HHAT: variants seen among roughly 807,000 people sequenced by gnomAD.
The protein encoded by HHAT is hedgehog acyltransferase.
HHAT carries 47 observed loss-of-function variants against 70.8 expected under a neutral mutation model. The observed-to-expected ratio is 0.66, with a 90% CI of 0.53 to 0.85. HHAT has a LOEUF of 0.85. Among genes scored for constraint, HHAT ranks in the 40% least tolerant of loss-of-function variants. HHAT has a pLI of 0.00. For missense variants in HHAT, 609 were observed against 604.8 expected (o/e 1.01, Z -0.07); for synonymous variants, 228 against 247.6 (o/e 0.92, Z 0.74).
chr1:210,548,346 C>T (rs2095501520), intron 9 of HHAT, among the ~76,000 whole-genome samples: 1 of 152,228 alleles, frequency 6.6e-6, no homozygotes, highest in South Asian at 2.1e-4. Context: ...CTAACTAAAA[C>T]AGTAGCTGCT....
At chr1:210,400,177 T>A (rs1008990769) in intron 4 of HHAT, among the ~76,000 whole-genome samples, 1 of 152,140 alleles carries the variant, frequency 6.6e-6, no homozygotes, top group Non-Finnish European at 1.5e-5. Context: ...CTTATTGTTG[T>A]GTGACCCAGG....
At chr1:210,344,679 C>G (rs2086351894) in intron 1 of HHAT, among the ~76,000 whole-genome samples, 1 of 152,170 alleles carries the variant, frequency 6.6e-6, no homozygotes, top group Admixed American at 6.5e-5. Context: ...TTTTGGGGAG[C>G]CTTTGGGGCC....
intron 1 of HHAT, chr1:210,329,481 A>C (rs139695529): frequency 9.8e-7 from 1 of 1,023,910 alleles, no homozygotes; most frequent in Non-Finnish European, 1.2e-6. Context: ...CAGGGACTCT[A>C]AAGTTAGAGA....
chr1:210,361,592 A>G (rs1296224352), intron 2 of HHAT, among the ~76,000 whole-genome samples: 3 of 151,698 alleles, frequency 2.0e-5, no homozygotes, highest in Non-Finnish European at 4.4e-5. Flanking sequence ...CTCTGAAACC[A>G]GCATTATTTC....
At chr1:210,474,758 T>G (rs11119510) in intron 8 of HHAT, among the ~76,000 whole-genome samples, 26,035 of 151,920 alleles carry the variant, frequency 0.17, 2,430 homozygotes, top group East Asian at 0.43. Context: ...AGGAGGGAAA[T>G]GTGGTGAACT....
intron 1 of HHAT, among the ~76,000 whole-genome samples, chr1:210,337,843 A>AG (rs568703751): frequency 1.3e-5 from 1 of 74,442 alleles, no homozygotes; most frequent in Non-Finnish European, 2.3e-5. Context: ...TGGACCCCAC[A>AG]GAGGGGATCT....
At chr1:210,622,380 C>T (rs539736466) in intron 10 of HHAT, among the ~76,000 whole-genome samples, 2 of 152,308 alleles carry the variant, frequency 1.3e-5, no homozygotes, top group South Asian at 2.1e-4. Context: ...TGTGCTGTAC[C>T]TGGTTCTCAT....
intron 10 of HHAT, among the ~76,000 whole-genome samples, chr1:210,623,274 A>G (rs974958392): frequency 2.6e-5 from 4 of 152,050 alleles, no homozygotes; most frequent in African/African-American, 7.2e-5. Flanking sequence ...GTATATCACT[A>G]TGTTGCCTAG....
rs1199730740 is a variant in HHAT, at chr1:210,399,939, C to A, written c.274-529C>A. On this transcript the variant is annotated intron_variant, in intron 4 of 11. Coordinates refer to ENST00000261458, the MANE Select transcript of HHAT (RefSeq NM_018194.6). Reference sequence around the variant, plus strand: ...TTTGACTAATCAATATGCAAAAAATCAAAAATGCAAAAAAACCCTACATAT... The same window carrying A: ...TTTGACTAATCAATATGCAAAAAATAAAAAATGCAAAAAAACCCTACATAT... 3.9e-5 allele frequency among the ~76,000 whole-genome samples: 6 copies of A among 152,054 alleles called. No homozygotes were observed. In the South Asian group the frequency reaches 1.2e-3, roughly 32 times the overall value.
chr1:210,650,385 A>G (rs1301987818), intron 11 of HHAT, among the ~76,000 whole-genome samples: 3 of 152,174 alleles, frequency 2.0e-5, no homozygotes, highest in Non-Finnish European at 4.4e-5. Context: ...AACTGGCCCC[A>G]ACTGTGGAGG....
intron 9 of HHAT, among the ~76,000 whole-genome samples, chr1:210,540,957 C>T (rs1357608531): frequency 6.6e-6 from 1 of 152,086 alleles, no homozygotes; most frequent in African/African-American, 2.4e-5. Flanking sequence ...TATCCTGCCT[C>T]AGCCTCCTGA....
intron 9 of HHAT, among the ~76,000 whole-genome samples, chr1:210,574,733 A>T (rs1657237407): frequency 6.6e-6 from 1 of 152,216 alleles, no homozygotes; most frequent in Non-Finnish European, 1.5e-5. Context: ...TTGCTGCCAC[A>T]AAAGCATTAC....
rs1239836373 is a variant in HHAT, at chr1:210,374,260, A to C, written c.159+11341A>C. The C allele has an allele frequency of 7.1e-5, 9 of 126,692 alleles. 1 individual carries two copies. In the East Asian group the frequency reaches 1.2e-3, roughly 17 times the overall value. The allele number at this position is 126,692 out of a possible 1,614,324, so 7.8% of individuals were successfully genotyped here. The stretch of plus-strand genomic sequence containing the variant: ...AAAGATTTATTCGATCTGAAGAGAA[A>C]CCAGTGTAATGCTACAAATTAGTTC... On this transcript the variant is annotated intron_variant, in intron 3 of 11. Transcript: ENST00000261458.
intron 8 of HHAT, among the ~76,000 whole-genome samples, chr1:210,498,774 CTTTTTTTTTT>C (rs36053258): frequency 2.5e-5 from 3 of 119,858 alleles, no homozygotes; most frequent in Non-Finnish European, 5.3e-5. Flanking sequence ...TTTTTTTTTT[CTTTTTTTTTT>C]TTTTTGAGAC....
rs771216269 is a variant in HHAT at position 210,404,517 on chromosome 1, C to T, written c.522C>T (p.Thr174=). The part of the protein sequence containing the change: ...NEYYLLQFTL[T]VRCLYYTSFS... ...ACTACCTGCTGCAGTTCACGCTGAC[C>T]GTTCGCTGCCTGTACTACACCAGCT... is the stretch of plus-strand genomic sequence containing the variant. Residue 174 remains threonine, a synonymous_variant, in exon 6 of 12, where the codon ACC becomes ACT. Transcript: ENST00000261458. 1.5e-5 allele frequency: 24 copies of T among 1,613,376 alleles called. No individual in the cohort carries two copies. Among genetic ancestry groups the T allele is most frequent in the South Asian group, 2.2e-5 (2 of 91,054 alleles).
At chr1:210,403,951 A>G (rs1365689848) in intron 5 of HHAT, among the ~76,000 whole-genome samples, 1 of 145,582 alleles carries the variant, frequency 6.9e-6, no homozygotes, top group Non-Finnish European at 1.5e-5. Flanking sequence ...TTTTTTTTAA[A>G]TATTTGTCTG....
chr1:210,463,899 T>C (rs1408849734), intron 7 of HHAT, among the ~76,000 whole-genome samples: 2 of 152,184 alleles, frequency 1.3e-5, no homozygotes, highest in Non-Finnish European at 2.9e-5. Context: ...ATTTTGTGGG[T>C]GCATAGTAGA....
At chr1:210,593,462 C>T (rs1232199071) in intron 10 of HHAT, among the ~76,000 whole-genome samples, 1 of 152,048 alleles carries the variant, frequency 6.6e-6, no homozygotes, top group Non-Finnish European at 1.5e-5. Flanking sequence ...TGGTTAATTT[C>T]CCTGTGTTCG....
At chr1:210,519,364 A>G (rs888182977) in intron 9 of HHAT, among the ~76,000 whole-genome samples, 2 of 152,088 alleles carry the variant, frequency 1.3e-5, no homozygotes, top group African/African-American at 2.4e-5. Flanking sequence ...CTGGACATAT[A>G]CCCAGTAGTG....
Sources: allele counts gnomAD v4.1 joint callset (sites outside exome capture counted in the v4.1 genomes callset), GRCh38; gene constraint gnomAD v4.1.1; transcripts MANE v1.5; gene names NCBI Gene and HGNC (gene_info 2026-07-23, HGNC 2026-07-21).